SLIT3: variants seen among roughly 807,000 people sequenced by gnomAD.
SLIT3 encodes the protein slit homolog 3 protein.
SLIT3 carries 68 observed loss-of-function variants against 184.0 expected under a neutral mutation model. That is an observed-to-expected ratio of 0.37 (90% CI 0.30 to 0.45). The LOEUF (loss-of-function observed/expected upper bound fraction) is 0.45. Ranked by LOEUF, SLIT3 falls within the 20% of genes least tolerant of loss-of-function variation. The probability of loss-of-function intolerance (pLI) is 1.00; values close to 1 mark genes in which losing one functional copy is unlikely to be tolerated. For synonymous variants in SLIT3, 831 were observed against 828.6 expected, an observed-to-expected ratio of 1.00 and a Z score of -0.05; for missense variants, 1,707 against 2,026.0, an observed-to-expected ratio of 0.84 and a Z score of 3.02.
At chr5:169,270,651 G>C (rs1019101961) in intron 1 of SLIT3, among the ~76,000 whole-genome samples, 2 of 152,078 alleles carry the variant, frequency 1.3e-5, no homozygotes, top group Non-Finnish European at 2.9e-5. Context: ...CCCTGATCTA[G>C]GCGCTTATAT....
At chr5:169,186,025 A>G (rs1456938052) in intron 4 of SLIT3, among the ~76,000 whole-genome samples, 2 of 152,184 alleles carry the variant, frequency 1.3e-5, no homozygotes, top group African/African-American at 4.8e-5. Context: ...GAAGTGACAG[A>G]ATATAGGTGA....
chr5:168,823,507 GC>G (rs768223673), intron 6 of SLIT3, among the ~76,000 whole-genome samples, 176 bp from the exon 7 acceptor site: 1 of 152,110 alleles, frequency 6.6e-6, no homozygotes, highest in Admixed American at 6.5e-5. Context: ...AGAAGAGCAT[GC>G]CCTGACTTTT....
intron 23 of SLIT3, among the ~76,000 whole-genome samples, chr5:168,718,635 C>T (rs1194298404): frequency 6.6e-6 from 1 of 150,950 alleles, no homozygotes; most frequent in Non-Finnish European, 1.5e-5. Flanking sequence ...TAAAAGACCA[C>T]CCTCCTGTTG....
At chr5:168,823,408 G>A (rs1757600817) in intron 6 of SLIT3, 77 bp from the exon 7 acceptor site, 1 of 1,059,512 alleles carries the variant, frequency 9.4e-7, no homozygotes, top group Admixed American at 1.7e-5. Flanking sequence ...TAGGTCGGGG[G>A]AGGGATGGTT....
intron 4 of SLIT3, among the ~76,000 whole-genome samples, chr5:169,008,550 G>C (rs1175022196): frequency 6.6e-6 from 1 of 152,202 alleles, no homozygotes; most frequent in Non-Finnish European, 1.5e-5. Context: ...TTTCTATTGA[G>C]AAAGAGGGGC....
intron 4 of SLIT3, among the ~76,000 whole-genome samples, chr5:169,184,206 T>A (rs140957685): frequency 2.1e-4 from 32 of 152,384 alleles, no homozygotes; most frequent in African/African-American, 7.7e-4. Flanking sequence ...GCTTATAAGT[T>A]CAAAATACTG....
intron 4 of SLIT3, among the ~76,000 whole-genome samples, chr5:168,980,780 T>C (rs1754920092): frequency 6.6e-6 from 1 of 152,250 alleles, no homozygotes; most frequent in African/African-American, 2.4e-5. Context: ...TGGTACTGAT[T>C]GAATTTAGCA....
intron 4 of SLIT3, among the ~76,000 whole-genome samples, chr5:169,073,533 G>A (rs1758627557): frequency 1.3e-5 from 2 of 152,046 alleles, no homozygotes; most frequent in Non-Finnish European, 2.9e-5. Context: ...TGATTTGGAT[G>A]TTTGTCCCCT....
intron 8 of SLIT3, among the ~76,000 whole-genome samples, chr5:168,807,462 T>C (rs1168229850): frequency 6.6e-6 from 1 of 152,202 alleles, no homozygotes; most frequent in Admixed American, 6.5e-5. Flanking sequence ...CAAAGTGAGG[T>C]AAGACTCTTA....
chr5:169,220,623 C>T (rs1050694764), intron 3 of SLIT3, among the ~76,000 whole-genome samples: 1 of 152,178 alleles, frequency 6.6e-6, no homozygotes, highest in Admixed American at 6.5e-5. Context: ...GAAAGGGGAA[C>T]CAGAAATTGG....
At chr5:169,180,031 G>A (rs1474868167) in intron 4 of SLIT3, among the ~76,000 whole-genome samples, 1 of 152,170 alleles carries the variant, frequency 6.6e-6, no homozygotes, top group Non-Finnish European at 1.5e-5. Flanking sequence ...TTCAGGTAGT[G>A]ATAAGTGCTA....
In SLIT3 at chr5:168,913,543, G is replaced by A. The variant is rs536557645; in HGVS notation, c.414-30207C>T. On this transcript the variant is annotated intron_variant, in intron 4 of 35. Coordinates refer to ENST00000519560, the MANE Select transcript of SLIT3 (RefSeq NM_003062.4). Reference sequence around the variant, plus strand: ...AGCACTTTGGGAGGCCGAGGCAGGTGGATCACGTAAGGTCAGGAGTTCGAG... The same window carrying A: ...AGCACTTTGGGAGGCCGAGGCAGGTAGATCACGTAAGGTCAGGAGTTCGAG... Among the ~76,000 whole-genome samples, 5 of 152,200 alleles carry A rather than the reference G, an allele frequency of 3.3e-5. No homozygotes were observed. In the South Asian group the frequency reaches 8.3e-4, roughly 25 times the overall value.
intron 4 of SLIT3, among the ~76,000 whole-genome samples, chr5:169,137,331 C>CAGAGAGAGAGAGAGAGAGAG (rs766822479): frequency 6.1e-5 from 8 of 132,126 alleles, no homozygotes; most frequent in African/African-American, 2.1e-4. Flanking sequence ...CACACACACA[C>CAGAGAGAGAGAGAGAGAGAG]ACACAGAGAG....
chr5:168,677,271 G>A (rs985312680), intron 32 of SLIT3, among the ~76,000 whole-genome samples: 5 of 152,050 alleles, frequency 3.3e-5, no homozygotes, highest in Non-Finnish European at 7.4e-5. Context: ...TTACAACATT[G>A]GTTTTTTGGT....
chr5:168,824,094 G>A (rs1167843512), intron 6 of SLIT3, among the ~76,000 whole-genome samples: 7 of 152,072 alleles, frequency 4.6e-5, no homozygotes, highest in Admixed American at 1.3e-4. Flanking sequence ...AATTACAGGC[G>A]CCTGACTAAT....
chr5:168,844,747 C>T (rs1758397303), intron 5 of SLIT3, 92 bp from the exon 6 acceptor site: 1 of 1,148,546 alleles, frequency 8.7e-7, no homozygotes, highest in Non-Finnish European at 1.3e-6. Context: ...CCCTCCACCC[C>T]CTTGCAGGCG....
chr5:168,683,902 C>G, intron 32 of SLIT3, 64 bp downstream of exon 32: 1 of 1,364,950 alleles, frequency 7.3e-7, no homozygotes. Context: ...TTCTGAGTTG[C>G]AGGCCCAGAG....
intron 4 of SLIT3, among the ~76,000 whole-genome samples, chr5:169,137,517 G>T (rs949760211): frequency 5.3e-5 from 8 of 152,006 alleles, no homozygotes; most frequent in African/African-American, 1.9e-4. Flanking sequence ...CACCTTCTCT[G>T]CTCAGCTCCT....
intron 32 of SLIT3, among the ~76,000 whole-genome samples, chr5:168,677,109 G>A (rs552172975): frequency 4.6e-5 from 7 of 152,262 alleles, no homozygotes; most frequent in Non-Finnish European, 4.4e-5. Context: ...GAGAATCCTA[G>A]GTAGGCTCGA....
Sources: gnomAD v4.1 joint callset for allele counts (sites outside exome capture counted in the v4.1 genomes callset) on GRCh38, gnomAD v4.1.1 for gene constraint, MANE v1.5 for transcripts, NCBI Gene and HGNC (gene_info 2026-07-23, HGNC 2026-07-21) for gene names.